Variants in CDC25A observed in about 807,000 individuals in gnomAD.
The protein encoded by CDC25A is M-phase inducer phosphatase 1.
In CDC25A, 17 loss-of-function variants were observed where a neutral mutation model predicts 64.6. The ratio of observed to expected loss-of-function variants is 0.26; its 90% CI spans 0.18 to 0.39. CDC25A has a LOEUF of 0.39. Among genes scored for constraint, CDC25A ranks in the 10% least tolerant of loss-of-function variants. The pLI is 1.00. For missense variants in CDC25A, 473 were observed against 654.8 expected (o/e 0.72, Z 3.03); for synonymous variants, 229 against 238.6 (o/e 0.96, Z 0.37).
intron 6 of CDC25A, among the ~76,000 whole-genome samples, chr3:48,178,749 A>G (rs1389157629): frequency 6.6e-6 from 1 of 152,226 alleles, no homozygotes; most frequent in Non-Finnish European, 1.5e-5. Flanking sequence ...GCGGTACCTC[A>G]TTAGCCAACC....
chr3:48,171,442 G>A (rs1306945091), intron 9 of CDC25A, among the ~76,000 whole-genome samples: 1 of 148,858 alleles, frequency 6.7e-6, no homozygotes, highest in African/African-American at 2.5e-5. Context: ...GTGCAGTGGC[G>A]TGATCTCTGC....
intron 10 of CDC25A, among the ~76,000 whole-genome samples, chr3:48,166,427 T>C (rs375323580): frequency 1.3e-5 from 2 of 152,202 alleles, no homozygotes; most frequent in Admixed American, 6.5e-5. Context: ...TTATCCAAGG[T>C]TACCTAGCTA....
chr3:48,168,408 A>ACACACACACACACACC (rs2032132091), intron 9 of CDC25A, among the ~76,000 whole-genome samples: 1 of 144,328 alleles, frequency 6.9e-6, no homozygotes, highest in East Asian at 2.0e-4. Flanking sequence ...ACACACACAC[A>ACACACACACACACACC]AGCTGGGCAT....
At chr3:48,159,215 T>G (rs1173109409) in intron 14 of CDC25A, 129 bp downstream of exon 14, 12 of 1,310,886 alleles carry the variant, frequency 9.2e-6, no homozygotes, top group Non-Finnish European at 1.2e-5. Flanking sequence ...ACAGGGGCTT[T>G]CTTTGGGTTC....
chr3:48,184,615 T>C (rs1330574177), intron 3 of CDC25A, 38 bp downstream of exon 3: 3 of 1,468,456 alleles, frequency 2.0e-6, no homozygotes, highest in African/African-American at 2.8e-5. Context: ...AGACACGTTT[T>C]TTCTACATAT....
At chr3:48,175,178 TCCCAGCTA>T in intron 8 of CDC25A, among the ~76,000 whole-genome samples, 2 of 152,224 alleles carry the variant, frequency 1.3e-5, no homozygotes, top group East Asian at 3.9e-4. Context: ...GTGCCTTTAA[TCCCAGCTA>T]CCCAGGAGGC....
At chr3:48,165,107 C>CAAAAAAAAAAAAAAAAAAAAA (rs11370901) in intron 12 of CDC25A, among the ~76,000 whole-genome samples, 4 of 84,960 alleles carry the variant, frequency 4.7e-5, no homozygotes, top group South Asian at 5.1e-4. Context: ...GACTCTGTCT[C>CAAAAAAAAAAAAAAAAAAAAA]AAAAAAAAAA....
chr3:48,183,853 A>C lies in CDC25A; in HGVS notation c.291-17T>G, dbSNP rs781416281. 2 of 1,516,750 alleles carry C rather than the reference A, an allele frequency of 1.3e-6. No individual in the cohort carries two copies. The highest frequency in any genetic ancestry group is 1.8e-6 in the Non-Finnish European group (2 of 1,092,482). 94.0% of individuals were successfully genotyped at this position (1,516,750 alleles called of 1,614,324 possible). A position where few individuals can be genotyped will look rare whatever the true frequency, so the allele number is the denominator to read the frequency against. ...TTTTCAAGGCTGTAATGAGATCAGA[A>C]GGTAAATAATGAGAATAAAACAAGT... On this transcript the variant is annotated splice_polypyrimidine_tract_variant and intron_variant, in intron 3 of 14. Coordinates refer to ENST00000302506, the MANE Select transcript of CDC25A (RefSeq NM_001789.3).
chr3:48,186,615 C>G (rs1307594581), intron 2 of CDC25A, 88 bp downstream of exon 2: 1 of 766,286 alleles, frequency 1.3e-6, no homozygotes, highest in Admixed American at 2.4e-5. Context: ...ATGACTTCCT[C>G]AAGTTCTCAC....
intron 5 of CDC25A, 25 bp downstream of exon 5, chr3:48,182,904 G>T (rs1345788364): frequency 6.8e-7 from 1 of 1,468,414 alleles, no homozygotes; most frequent in Non-Finnish European, 9.5e-7. Flanking sequence ...TCTGCCTCAG[G>T]TTAGTACATT....
chr3:48,186,661 G>C (rs752685747), intron 2 of CDC25A, 42 bp downstream of exon 2: 6 of 1,287,674 alleles, frequency 4.7e-6, no homozygotes, highest in African/African-American at 2.9e-5. Context: ...GCATGTTTCA[G>C]GAAATTCAGA....
At chr3:48,176,531 GTATATATATATATATA>G (rs55938075) in intron 8 of CDC25A, among the ~76,000 whole-genome samples, 2 of 138,122 alleles carry the variant, frequency 1.4e-5, no homozygotes, top group South Asian at 4.6e-4. Context: ...GTGTGTGTGA[GTATATATATATATATA>G]TATATATATA....
chr3:48,174,531 G>T, intron 8 of CDC25A, 74 bp from the exon 9 acceptor site: 1 of 1,418,734 alleles, frequency 7.0e-7, no homozygotes, highest in Non-Finnish European at 9.6e-7. Context: ...CAAATAAACC[G>T]AAGGTTTCCT....
In CDC25A at chr3:48,186,275, CAAT is replaced by C. The variant is rs958435315; in HGVS notation, c.247+425_247+427del. 2.6e-4 allele frequency among the ~76,000 whole-genome samples: 40 copies of C among 152,258 alleles called. 1 individual carries two copies. The highest frequency in any genetic ancestry group is 4.4e-5 in the Non-Finnish European group (3 of 68,010). ...CACAAGGGCTCCTTTGTATTGTTCT[CAAT>C]AATGTTTATCACCGGGCGCGGTGGC... On this transcript the variant is annotated intron_variant, in intron 2 of 14. Transcript: ENST00000302506.
rs763164594 is a variant in CDC25A, at chr3:48,177,996, A to C, written c.550-8T>G. On this transcript the variant is annotated splice_polypyrimidine_tract_variant and splice_region_variant and intron_variant, in intron 6 of 14. Coordinates refer to ENST00000302506, the MANE Select transcript of CDC25A (RefSeq NM_001789.3). Reference sequence around the variant, plus strand: ...TCTTTCATTTGAGGAAAGCTGTAAGACAAAATTCATGGATTAATAATGAGA... The same window carrying C: ...TCTTTCATTTGAGGAAAGCTGTAAGCCAAAATTCATGGATTAATAATGAGA... 2.2e-5 allele frequency: 35 copies of C among 1,603,228 alleles called. No homozygotes were observed. In the East Asian group the frequency reaches 7.8e-4, roughly 36 times the overall value.
intron 6 of CDC25A, among the ~76,000 whole-genome samples, chr3:48,178,347 G>A (rs1225503073): frequency 6.6e-6 from 1 of 152,184 alleles, no homozygotes; most frequent in African/African-American, 2.4e-5. Flanking sequence ...GCTGAAATGA[G>A]TTAGGGCAAG....
intron 13 of CDC25A, chr3:48,161,168 A>AG (rs1278821625): frequency 6.6e-6 from 1 of 151,526 alleles, no homozygotes; most frequent in East Asian, 1.9e-4. Context: ...AAAAAAAAAA[A>AG]AAAAAAAGAG....
chr3:48,166,962 C>A lies in CDC25A; in HGVS notation c.1029+884G>T, dbSNP rs141541440. On this transcript the variant is annotated intron_variant, in intron 10 of 14. Coordinates refer to ENST00000302506, the MANE Select transcript of CDC25A (RefSeq NM_001789.3). ...TCCAAAACTGAGGATACAGCTGGAT[C>A]TTTGCTTGTTCTCTTCATTCTCCGT... Among the ~76,000 whole-genome samples, 549 of 152,324 alleles carry A rather than the reference C, an allele frequency of 3.6e-3. 3 individuals are homozygous for A. Among genetic ancestry groups the A allele is most frequent in the African/African-American group, 0.012 (517 of 41,560 alleles).
chr3:48,177,256 C>G, intron 8 of CDC25A, 115 bp downstream of exon 8: 1 of 801,884 alleles, frequency 1.2e-6, no homozygotes, highest in Admixed American at 2.3e-5. Flanking sequence ...GGCCTAAAAC[C>G]CAGATCCCCA....
Sources: gnomAD v4.1 joint callset for allele counts (sites outside exome capture counted in the v4.1 genomes callset) on GRCh38, gnomAD v4.1.1 for gene constraint, MANE v1.5 for transcripts, NCBI Gene and HGNC (gene_info 2026-07-23, HGNC 2026-07-21) for gene names.